Variants in KCNIP4 observed in about 807,000 individuals in gnomAD.
KCNIP4 encodes the protein potassium voltage-gated channel interacting protein 4, also known as Kv channel-interacting protein 4.
In KCNIP4, 12 loss-of-function variants were observed where a neutral mutation model predicts 34.0. The ratio of observed to expected loss-of-function variants is 0.35; its 90% CI spans 0.23 to 0.57. The LOEUF is 0.57. Ranked by LOEUF, KCNIP4 falls within the 20% of genes least tolerant of loss-of-function variation. The probability of loss-of-function intolerance (pLI) is 0.83; values close to 1 mark genes in which losing one functional copy is unlikely to be tolerated. For missense variants in KCNIP4, 238 were observed against 311.7 expected (o/e 0.76, Z 1.78); for synonymous variants, 124 against 102.2 (o/e 1.21, Z -1.29).
intron 1 of KCNIP4, among the ~76,000 whole-genome samples, chr4:21,107,461 C>T (rs984186792): frequency 1.2e-4 from 18 of 151,252 alleles, no homozygotes; most frequent in Admixed American, 3.9e-4. Flanking sequence ...GGTAGATTTT[C>T]CTCCATCCTT....
Position 21,282,673 on chromosome 4 carries a change from TAAG to T in KCNIP4, c.62-399967_62-399965del, listed in dbSNP as rs528115463. ...TGAAATATTTTTTAGGCAGAAAATA[TAAG>T]AAGATGCATATTTCTCTCAATGTGT... is the stretch of plus-strand genomic sequence containing the variant. On this transcript the variant is annotated intron_variant, in intron 1 of 8. Coordinates refer to ENST00000382152, the MANE Select transcript of KCNIP4 (RefSeq NM_025221.6). Among the ~76,000 whole-genome samples, 70 of 152,308 alleles carry T rather than the reference TAAG, an allele frequency of 4.6e-4. 1 individual carries two copies. The highest frequency in any genetic ancestry group is 1.6e-3 in the African/African-American group (65 of 41,568).
At chr4:21,812,775 T>C (rs1721738458) in intron 1 of KCNIP4, among the ~76,000 whole-genome samples, 1 of 152,066 alleles carries the variant, frequency 6.6e-6, no homozygotes, top group Non-Finnish European at 1.5e-5. Flanking sequence ...GCTAAGAAAT[T>C]GGGTGCTTTC....
intron 1 of KCNIP4, among the ~76,000 whole-genome samples, chr4:21,689,631 A>G (rs1751095228): frequency 6.6e-6 from 1 of 152,202 alleles, no homozygotes; most frequent in Admixed American, 6.5e-5. Flanking sequence ...TGTCATTAAG[A>G]CTATGATGAA....
intron 1 of KCNIP4, among the ~76,000 whole-genome samples, chr4:21,872,422 G>A (rs1725871712): frequency 6.6e-6 from 1 of 152,186 alleles, no homozygotes; most frequent in African/African-American, 2.4e-5. Flanking sequence ...TTAAAGGCAG[G>A]AGTGATCCAC....
intron 1 of KCNIP4, among the ~76,000 whole-genome samples, chr4:21,896,933 T>TAATAAATA (rs57096209): frequency 1.3e-3 from 186 of 147,388 alleles, no homozygotes; most frequent in Middle Eastern, 3.5e-3. Flanking sequence ...CATAAATAAA[T>TAATAAATA]AATAAATAAA....
At chr4:20,772,507 T>C (rs1014075032) in intron 3 of KCNIP4, among the ~76,000 whole-genome samples, 25 of 152,090 alleles carry the variant, frequency 1.6e-4, no homozygotes, top group African/African-American at 6.0e-4. Context: ...ATGTCCCAGG[T>C]GAGGGGTTGG....
At chr4:21,418,097 CT>C (rs1725130024) in intron 1 of KCNIP4, among the ~76,000 whole-genome samples, 2 of 152,210 alleles carry the variant, frequency 1.3e-5, no homozygotes, top group African/African-American at 4.8e-5. Flanking sequence ...AGCCAGATAA[CT>C]TAAGTCTGAA....
At chr4:21,684,253 G>C (rs1750642419) in intron 1 of KCNIP4, among the ~76,000 whole-genome samples, 1 of 152,120 alleles carries the variant, frequency 6.6e-6, no homozygotes, top group Non-Finnish European at 1.5e-5. Flanking sequence ...AGCTGGAATG[G>C]ACTGATTTCA....
In KCNIP4 at chr4:21,694,929, A is replaced by T. The variant is rs1384351911; in HGVS notation, c.61+253642T>A. Among the ~76,000 whole-genome samples the T allele has an allele frequency of 1.8e-3, 155 of 87,550 alleles. 3 individuals are homozygous for T. The highest frequency in any genetic ancestry group is 5.6e-3 in the African/African-American group (138 of 24,436). 57.4% of individuals were successfully genotyped at this position (87,550 alleles called of 152,430 possible). ...CACGATTGACCAAAAAAAAAAAAAA[A>T]ATAAAAATAAATAAATAAATAAAGG... On this transcript the variant is annotated intron_variant, in intron 1 of 8. Coordinates refer to ENST00000382152, the MANE Select transcript of KCNIP4 (RefSeq NM_025221.6).
rs534763012 is a variant in KCNIP4, at chr4:21,524,661, G to A, written c.61+423910C>T. ...CAGGGAAACCTTCTAAGTCAGTCTC[G>A]TGTTATTCCCTTCCATACCATCTAA... is the stretch of plus-strand genomic sequence containing the variant. On this transcript the variant is annotated intron_variant, in intron 1 of 8. Transcript: ENST00000382152. 8.8e-4 allele frequency among the ~76,000 whole-genome samples: 134 copies of A among 151,958 alleles called. No individual in the cohort carries two copies. The South Asian group carries it at 0.011, about 12-fold the overall frequency.
intron 1 of KCNIP4, among the ~76,000 whole-genome samples, chr4:20,912,029 G>A (rs181277327): frequency 5.8e-4 from 88 of 152,080 alleles, no homozygotes; most frequent in African/African-American, 1.9e-3. Context: ...CTCTAATTTC[G>A]CCCCTTGTTT....
intron 1 of KCNIP4, among the ~76,000 whole-genome samples, chr4:21,445,102 C>A (rs2109720372): frequency 6.6e-6 from 1 of 152,210 alleles, no homozygotes; most frequent in East Asian, 1.9e-4. Flanking sequence ...GAACTACAAA[C>A]CACTGCTCAG....
chr4:21,661,253 A>G (rs937015045), intron 1 of KCNIP4, among the ~76,000 whole-genome samples: 7 of 152,086 alleles, frequency 4.6e-5, no homozygotes, highest in Non-Finnish European at 8.8e-5. Context: ...CACATTCACC[A>G]TTCTTCAAGT....
At chr4:20,744,117 A>T (rs984478512) in intron 5 of KCNIP4, among the ~76,000 whole-genome samples, 1 of 152,134 alleles carries the variant, frequency 6.6e-6, no homozygotes, top group African/African-American at 2.4e-5. Flanking sequence ...GAAACAACAG[A>T]TGCTGGAGAG....
chr4:21,635,270 G>A (rs1014035642), intron 1 of KCNIP4, among the ~76,000 whole-genome samples: 3 of 151,998 alleles, frequency 2.0e-5, no homozygotes, highest in Non-Finnish European at 4.4e-5. Context: ...GTCAATTCTC[G>A]ACATTCTGAT....
chr4:21,482,105 C>T (rs1261416253), intron 1 of KCNIP4, among the ~76,000 whole-genome samples: 1 of 149,520 alleles, frequency 6.7e-6, no homozygotes, highest in Non-Finnish European at 1.5e-5. Flanking sequence ...GGTTTAAAGT[C>T]TGTTTTATCA....
intron 1 of KCNIP4, among the ~76,000 whole-genome samples, chr4:21,367,383 T>C (rs1480147135): frequency 6.6e-6 from 1 of 152,206 alleles, no homozygotes; most frequent in Non-Finnish European, 1.5e-5. Context: ...TATCTTGTTG[T>C]ATGCTGCTTC....
At chr4:21,299,923 A>C (rs2007762) in intron 1 of KCNIP4, among the ~76,000 whole-genome samples, 9,909 of 152,230 alleles carry the variant, frequency 0.065, 401 homozygotes, top group Middle Eastern at 0.12. Context: ...ATATTTGCTA[A>C]ATAAGGTGAG....
intron 1 of KCNIP4, among the ~76,000 whole-genome samples, chr4:21,364,987 C>A (rs773727436): frequency 6.6e-6 from 1 of 152,082 alleles, no homozygotes; most frequent in Non-Finnish European, 1.5e-5. Context: ...TTCGTTCAAT[C>A]TTGCAGAAAT....
Sources: gnomAD v4.1 joint callset for allele counts (sites outside exome capture counted in the v4.1 genomes callset) on GRCh38, gnomAD v4.1.1 for gene constraint, MANE v1.5 for transcripts, NCBI Gene and HGNC (gene_info 2026-07-23, HGNC 2026-07-21) for gene names.